Variants in DGKD observed in about 807,000 individuals in gnomAD.
DGKD encodes the protein diacylglycerol kinase delta, also known as DAG kinase delta.
DGKD carries 68 observed loss-of-function variants against 154.4 expected under a neutral mutation model. The observed-to-expected ratio is 0.44, with a 90% CI of 0.36 to 0.54. The LOEUF is 0.54. DGKD is among the 20% of genes least tolerant of loss of function. The pLI is 0.00. For missense variants in DGKD, 1,343 were observed against 1,593.6 expected (o/e 0.84, Z 2.68); for synonymous variants, 693 against 638.0 (o/e 1.09, Z -1.30).
intron 3 of DGKD, chr2:233,429,314 T>G (rs2062427983): frequency 1.0e-6 from 1 of 985,070 alleles, no homozygotes; most frequent in African/African-American, 1.7e-5. Flanking sequence ...TATATTATCT[T>G]TCTCTTACTA....
intron 10 of DGKD, 76 bp downstream of exon 10, chr2:233,442,071 C>T: frequency 7.8e-7 from 1 of 1,274,738 alleles, no homozygotes; most frequent in Non-Finnish European, 1.1e-6. Flanking sequence ...AGTCTCAGCT[C>T]CTGTTCATCT....
chr2:233,451,879 C>T (rs973522957), intron 17 of DGKD, 85 bp from the exon 18 acceptor site: 49 of 1,103,078 alleles, frequency 4.4e-5, no homozygotes, highest in African/African-American at 2.7e-4. Context: ...TGCAGAATAC[C>T]GGTCCACCAG....
At chr2:233,408,536 C>G (rs928640120) in intron 3 of DGKD, among the ~76,000 whole-genome samples, 1 of 152,212 alleles carries the variant, frequency 6.6e-6, no homozygotes, top group Non-Finnish European at 1.5e-5. Context: ...TTCTGCAAAG[C>G]AAGCCTGCCT....
chr2:233,435,347 G>T (rs557085968), intron 5 of DGKD, among the ~76,000 whole-genome samples: 1 of 152,336 alleles, frequency 6.6e-6, no homozygotes, highest in South Asian at 2.1e-4. Flanking sequence ...GTTAGCTATA[G>T]CCTGGACCAC....
Position 233,441,361 on chromosome 2 carries a change from G to C in DGKD, c.1086-526G>C, listed in dbSNP as rs371145976. On this transcript the variant is annotated intron_variant, in intron 9 of 29. Coordinates refer to ENST00000264057, the MANE Select transcript of DGKD (RefSeq NM_152879.3). The surrounding 1 kb of genome is among the most constrained non-coding windows in gnomAD (Gnocchi z 5.6). ...CAGGTCAGGCAGCCTGGGGCTCCAG[G>C]GTGACCAGAACAAGGGCCAGGGCGG... Among the ~76,000 whole-genome samples the C allele has an allele frequency of 6.6e-6, 1 of 152,316 alleles. No homozygotes were observed. The highest frequency in any genetic ancestry group is 1.5e-5 in the Non-Finnish European group (1 of 68,010).
At chr2:233,435,120 G>C (rs1190511120) in intron 5 of DGKD, among the ~76,000 whole-genome samples, 2 of 152,232 alleles carry the variant, frequency 1.3e-5, no homozygotes, top group Non-Finnish European at 2.9e-5. Context: ...AAAGGGAAGT[G>C]GTGGGTGGCA....
chr2:233,448,196 GC>G lies in DGKD; in HGVS notation c.1514+18del. 1 of 1,614,160 alleles carries G rather than the reference GC, an allele frequency of 6.2e-7. No individual in the cohort carries two copies. Among genetic ancestry groups the G allele is most frequent in the Non-Finnish European group, 8.5e-7 (1 of 1,180,020 alleles). ...TCCTCGGCCAAGTGAGTGCCTGGTG[GC>G]CCTGGGGAGGGCATGGTGCCCTGGC... On this transcript the variant is annotated intron_variant, in intron 13 of 29. Coordinates refer to ENST00000264057, the MANE Select transcript of DGKD (RefSeq NM_152879.3).
chr2:233,358,833 C>T (rs1247661394), intron 1 of DGKD, among the ~76,000 whole-genome samples: 3 of 152,136 alleles, frequency 2.0e-5, no homozygotes, highest in Non-Finnish European at 4.4e-5. Context: ...TACTTTTTGG[C>T]TATTCTGGAT....
Position 233,358,521 on chromosome 2 carries a change from A to G in DGKD, c.156+3847A>G, listed in dbSNP as rs186278108. Among the ~76,000 whole-genome samples the G allele has an allele frequency of 1.3e-4, 20 of 152,306 alleles. No individual in the cohort carries two copies. In the East Asian group the frequency reaches 2.7e-3, roughly 21 times the overall value. On this transcript the variant is annotated intron_variant, in intron 1 of 29. Coordinates refer to ENST00000264057, the MANE Select transcript of DGKD (RefSeq NM_152879.3). ...TTGTTAGTATATTCGCTGTTTTGCA[A>G]CCATCACCACAGTCAATTTTAGAAC...
chr2:233,458,536 G>A lies in DGKD; in HGVS notation c.2694+139G>A, dbSNP rs1406447322. On this transcript the variant is annotated intron_variant, in intron 22 of 29. Coordinates refer to ENST00000264057, the MANE Select transcript of DGKD (RefSeq NM_152879.3). The surrounding 1 kb of genome is among the most constrained non-coding windows in gnomAD (Gnocchi z 6.6). ...CCTCATGTCCTGTCCTGGACAGCTC[G>A]TGGCCCCACTTCCTGGGCCAGAGCC... 26 of 534,490 alleles carry A rather than the reference G, an allele frequency of 4.9e-5. No homozygotes were observed. Among genetic ancestry groups the A allele is most frequent in the Non-Finnish European group, 7.6e-5 (23 of 301,910 alleles). The allele number at this position is 534,490 out of a possible 1,614,324, so 33.1% of individuals were successfully genotyped here. A position where few individuals can be genotyped will look rare whatever the true frequency, so the allele number is the denominator to read the frequency against.
Position 233,428,874 on chromosome 2 carries a change from TTTG to T in DGKD, c.349-5488_349-5486del, listed in dbSNP as rs113271309. ...AACAGGCACAAATAAGAGGTTTTTT[TTTG>T]TTGTTGTTGTTGTTGTTCTGTTTTT... On this transcript the variant is annotated intron_variant, in intron 3 of 29. Coordinates refer to ENST00000264057, the MANE Select transcript of DGKD (RefSeq NM_152879.3). Among the ~76,000 whole-genome samples, 790 of 151,746 alleles carry T rather than the reference TTTG, an allele frequency of 5.2e-3. 5 individuals carry two copies. The highest frequency in any genetic ancestry group is 0.01 in the Middle Eastern group (3 of 292).
chr2:233,438,147 G>T lies in DGKD; in HGVS notation c.923-70G>T, dbSNP rs1441242644. 3.9e-6 allele frequency: 6 copies of T among 1,551,748 alleles called. No individual in the cohort carries two copies. The highest frequency in any genetic ancestry group is 4.4e-6 in the Non-Finnish European group (5 of 1,140,540). ...TCCTTTGGGGGGGTCTGCTGCTGCTGATTCCATCAGTGGTGCCCTCAGCGT... is the reference window on the plus strand; with the variant it reads ...TCCTTTGGGGGGGTCTGCTGCTGCTTATTCCATCAGTGGTGCCCTCAGCGT... On this transcript the variant is annotated intron_variant, in intron 8 of 29. Transcript: ENST00000264057. This position sits in a 1 kb window ranked among gnomAD's most constrained non-coding sequence, Gnocchi z 4.1.
Position 233,462,415 on chromosome 2 carries a change from T to A in DGKD, c.3049T>A (p.Ser1017Thr), listed in dbSNP as rs1428363180. The change falls in exon 25 of 30, where the codon TCC becomes ACC. Residue 1017 changes from serine (S) to threonine (T), a missense_variant. Physicochemically the swap from Ser to Thr is moderately conservative, Grantham distance 58 (BLOSUM62 1). Coordinates refer to ENST00000264057, the MANE Select transcript of DGKD (RefSeq NM_152879.3). ...ACTGGCCCACGCCGTCAATGCCAGC[T>A]CCAAGTCCATGGACCGTGTGTATGG... Reference protein sequence around the residue: ...QELAHAVNASSKSMDRVYGKP... With the variant: ...QELAHAVNASTKSMDRVYGKP... 8 of 1,603,944 alleles carry A rather than the reference T, an allele frequency of 5.0e-6. No individual in the cohort carries two copies. Among genetic ancestry groups the A allele is most frequent in the Non-Finnish European group, 6.0e-6 (7 of 1,171,964 alleles).
At chr2:233,444,180 G>A (rs1338286085) in intron 10 of DGKD, among the ~76,000 whole-genome samples, 3 of 152,032 alleles carry the variant, frequency 2.0e-5, no homozygotes, top group Admixed American at 6.6e-5. Context: ...CCCACCCTGC[G>A]TTCCTTTCCT....
intron 3 of DGKD, among the ~76,000 whole-genome samples, chr2:233,401,588 G>A (rs186947839): frequency 1.3e-5 from 2 of 152,190 alleles, no homozygotes; most frequent in East Asian, 1.9e-4. Context: ...GAAATACAGA[G>A]CCATTTAGAA....
Position 233,457,653 on chromosome 2 carries a change from G to A in DGKD, c.2580+325G>A, listed in dbSNP as rs1386549728. ...AGTTGGAGTTGGCTAAGTTAGGTGG[G>A]CAGAGGAGAGGGGGAGGCTGTTCCA... is the stretch of plus-strand genomic sequence containing the variant. On this transcript the variant is annotated intron_variant, in intron 21 of 29. Coordinates refer to ENST00000264057, the MANE Select transcript of DGKD (RefSeq NM_152879.3). This position sits in a 1 kb window ranked among gnomAD's most constrained non-coding sequence, Gnocchi z 5.5. 2 of 484,924 alleles carry A rather than the reference G, an allele frequency of 4.1e-6. No homozygotes were observed. Among genetic ancestry groups the A allele is most frequent in the Non-Finnish European group, 8.1e-6 (2 of 247,170 alleles). 30.0% of individuals were successfully genotyped at this position (484,924 alleles called of 1,614,324 possible).
In DGKD at chr2:233,453,475, C is replaced by G. The variant is rs552185490; in HGVS notation, c.2265-1288C>G. On this transcript the variant is annotated intron_variant, in intron 18 of 29. Transcript: ENST00000264057. ...AACAGTTTTGTCCCAGAGCTTTGCT[C>G]TGGCTCAGCTGTCGGGCACTTGAAT... Among the ~76,000 whole-genome samples, 15 of 152,358 alleles carry G rather than the reference C, an allele frequency of 9.8e-5. 1 individual carries two copies. The South Asian group carries it at 2.9e-3, about 29-fold the overall frequency.
chr2:233,394,691 C>CGTT (rs1703886425), intron 3 of DGKD, among the ~76,000 whole-genome samples: 1 of 26,392 alleles, frequency 3.8e-5, no homozygotes, highest in Non-Finnish European at 6.3e-5. Context: ...ATTTAATTCC[C>CGTT]TTTTTTTTTT....
chr2:233,455,584 G>A (rs1427176583), intron 19 of DGKD, among the ~76,000 whole-genome samples: 1 of 152,210 alleles, frequency 6.6e-6, no homozygotes, highest in African/African-American at 2.4e-5. Context: ...CTACAGAGAG[G>A]GAGAAATGAG....
Sources: gnomAD v4.1 joint callset for allele counts (sites outside exome capture counted in the v4.1 genomes callset) on GRCh38, gnomAD v4.1.1 for gene constraint, Gnocchi (gnomAD v3.1) non-coding constraint, MANE v1.5 for transcripts, NCBI Gene and HGNC (gene_info 2026-07-23, HGNC 2026-07-21) for gene names.